PXK: variants seen among roughly 807,000 people sequenced by gnomAD.
PXK encodes PX domain-containing protein kinase-like protein.
A neutral mutation model predicts 84.7 loss-of-function variants in PXK; 35 were observed. The observed-to-expected ratio is 0.41, with a 90% CI of 0.32 to 0.55. The LOEUF is 0.55. Ranked by LOEUF, PXK falls within the 20% of genes least tolerant of loss-of-function variation. The pLI, the probability that PXK is intolerant of heterozygous loss-of-function variation, is 0.21. For missense variants in PXK, 634 were observed against 699.7 expected (o/e 0.91, Z 1.06); for synonymous variants, 253 against 260.8 (o/e 0.97, Z 0.29).
At chr3:58,335,678 C>T (rs12491693) in intron 1 of PXK, among the ~76,000 whole-genome samples, 3 of 151,770 alleles carry the variant, frequency 2.0e-5, no homozygotes, top group Admixed American at 6.6e-5. Context: ...CAGAAACATA[C>T]GGAGTTAGAG....
chr3:58,355,811 C>T (rs1198574308), intron 1 of PXK, among the ~76,000 whole-genome samples: 1 of 152,186 alleles, frequency 6.6e-6, no homozygotes, highest in Admixed American at 6.5e-5. Context: ...TGAGGACTCC[C>T]ACCTTTCCAA....
chr3:58,354,930 C>A (rs765540235), intron 1 of PXK, among the ~76,000 whole-genome samples: 12 of 151,910 alleles, frequency 7.9e-5, no homozygotes, highest in Non-Finnish European at 1.0e-4. Flanking sequence ...ACCATCCTGG[C>A]CAACATGGTA....
chr3:58,421,229 T>A lies in PXK; in HGVS notation c.1529-3523T>A. On this transcript the variant is annotated intron_variant, in intron 17 of 17. Transcript: ENST00000356151. The surrounding 1 kb of genome is among the most constrained non-coding windows in gnomAD (Gnocchi z 5.5). The stretch of plus-strand genomic sequence containing the variant: ...TTCCTGTATGTGACCACAAAGGAGC[T>A]CAGAATTAGAGAGACTGTAGATTAC... 1.0e-6 allele frequency: 1 copy of A among 985,252 alleles called. No homozygotes were observed. Among genetic ancestry groups the A allele is most frequent in the South Asian group, 4.7e-5 (1 of 21,280 alleles). 61.0% of individuals were successfully genotyped at this position (985,252 alleles called of 1,614,324 possible).
rs921337100 is a variant in PXK, at chr3:58,423,530, C to A, written c.1529-1222C>A. ...TTCTATTGTAAGACTTTAACCCATA[C>A]CTGTCACACTTGGTGAAAAGGATGT... On this transcript the variant is annotated intron_variant, in intron 17 of 17. Transcript: ENST00000356151. 12 of 1,535,524 alleles carry A rather than the reference C, an allele frequency of 7.8e-6. No homozygotes were observed. In the Admixed American group the frequency reaches 2.0e-4, roughly 25 times the overall value.
At position 58,333,902 on chromosome 3, in the gene PXK, A is replaced by C. The variant is rs983532870; in HGVS notation, c.102+812A>C. Among the ~76,000 whole-genome samples, 1 of 149,174 alleles carries C rather than the reference A, an allele frequency of 6.7e-6. No individual in the cohort carries two copies. Among genetic ancestry groups the C allele is most frequent in the Non-Finnish European group, 1.5e-5 (1 of 67,554 alleles). Reference sequence around the variant, plus strand: ...TTTTTTTTTTTTTGAAAGGCCCACTATGCATTATAATTTCCAAGCAATAAA... The same window carrying C: ...TTTTTTTTTTTTTGAAAGGCCCACTCTGCATTATAATTTCCAAGCAATAAA... On this transcript the variant is annotated intron_variant, in intron 1 of 17. Transcript: ENST00000356151. The surrounding 1 kb of genome is among the most constrained non-coding windows in gnomAD (Gnocchi z 5.4).
At chr3:58,344,004 C>T (rs759125646) in intron 1 of PXK, among the ~76,000 whole-genome samples, 2 of 152,070 alleles carry the variant, frequency 1.3e-5, no homozygotes, top group East Asian at 1.9e-4. Flanking sequence ...GTTTATAACC[C>T]CCCTCCCCCA....
intron 1 of PXK, among the ~76,000 whole-genome samples, chr3:58,348,068 C>T (rs976871120): frequency 2.7e-4 from 41 of 152,130 alleles, no homozygotes; most frequent in African/African-American, 8.7e-4. Flanking sequence ...AGACCGTGCC[C>T]GGCTAATTTT....
At chr3:58,413,636 C>G (rs1236922501) in intron 17 of PXK, 2 of 152,168 alleles carry the variant, frequency 1.3e-5, no homozygotes, top group African/African-American at 4.8e-5. Context: ...ACCAAGATGT[C>G]TCTCCTAAAG....
intron 1 of PXK, among the ~76,000 whole-genome samples, chr3:58,350,442 T>C (rs963882179): frequency 1.3e-5 from 2 of 152,150 alleles, no homozygotes; most frequent in African/African-American, 4.8e-5. Flanking sequence ...CCCTGTCAGC[T>C]TCCCCCTGAC....
In PXK at chr3:58,347,631, G is replaced by A. The variant is rs138345471; in HGVS notation, c.102+14541G>A. On this transcript the variant is annotated intron_variant, in intron 1 of 17. Coordinates refer to ENST00000356151, the MANE Select transcript of PXK (RefSeq NM_017771.5). Reference sequence around the variant, plus strand: ...TTTGTTATCCATTCACCAGTTGGTAGATATTTGGGTTATTTCCAGTTTGGG... The same window carrying A: ...TTTGTTATCCATTCACCAGTTGGTAAATATTTGGGTTATTTCCAGTTTGGG... Among the ~76,000 whole-genome samples the A allele has an allele frequency of 6.1e-3, 927 of 152,288 alleles. 15 individuals are homozygous for A. The highest frequency in any genetic ancestry group is 0.021 in the African/African-American group (867 of 41,560).
chr3:58,380,944 TC>T (rs1056818340), intron 3 of PXK, among the ~76,000 whole-genome samples: 2 of 151,934 alleles, frequency 1.3e-5, no homozygotes, highest in African/African-American at 4.8e-5. Context: ...TATCTCCTGC[TC>T]TCCTTTTTAA....
chr3:58,334,947 GTGTGTGTGTGTC>G (rs1438939328), intron 1 of PXK, among the ~76,000 whole-genome samples: 3 of 128,470 alleles, frequency 2.3e-5, no homozygotes, highest in South Asian at 2.4e-4. Flanking sequence ...GTGTGTGTGT[GTGTGTGTGTGTC>G]TGTGTGTGTG....
At chr3:58,415,224 C>T (rs965396089) in intron 17 of PXK, among the ~76,000 whole-genome samples, 45 of 152,140 alleles carry the variant, frequency 3.0e-4, no homozygotes, top group African/African-American at 1.1e-3. Flanking sequence ...TGGGTGTCCT[C>T]CAATTCAATT....
At chr3:58,344,522 G>C (rs915076123) in intron 1 of PXK, among the ~76,000 whole-genome samples, 7 of 152,142 alleles carry the variant, frequency 4.6e-5, no homozygotes, top group Admixed American at 6.6e-5. Flanking sequence ...GTTCAGTGGT[G>C]ACGGAAAAGA....
chr3:58,390,016 A>C lies in PXK; in HGVS notation c.389-566A>C, dbSNP rs2098608434. Among the ~76,000 whole-genome samples the C allele has an allele frequency of 6.6e-6, 1 of 151,006 alleles. No individual in the cohort carries two copies. Among genetic ancestry groups the C allele is most frequent in the Non-Finnish European group, 1.5e-5 (1 of 67,778 alleles). On this transcript the variant is annotated intron_variant, in intron 4 of 17. Transcript: ENST00000356151. This position sits in a 1 kb window ranked among gnomAD's most constrained non-coding sequence, Gnocchi z 4.2. ...CTCCGTCTCAAAAAAAAAAAAAAAA[A>C]AAAAAAAACAATTTAGCCAGGCGTG...
intron 3 of PXK, among the ~76,000 whole-genome samples, chr3:58,371,404 G>A (rs1285234497): frequency 6.6e-6 from 1 of 152,226 alleles, no homozygotes; most frequent in Non-Finnish European, 1.5e-5. Flanking sequence ...AGTGGCCCAT[G>A]TGACATTTCC....
chr3:58,402,373 GC>G (rs2058718555), intron 12 of PXK, among the ~76,000 whole-genome samples: 1 of 150,844 alleles, frequency 6.6e-6, no homozygotes, highest in African/African-American at 2.4e-5. Context: ...AGCTGGGACT[GC>G]AGGCGAATGC....
At chr3:58,377,532 C>T (rs533853207) in intron 3 of PXK, among the ~76,000 whole-genome samples, 27 of 151,168 alleles carry the variant, frequency 1.8e-4, no homozygotes, top group African/African-American at 4.9e-4. Flanking sequence ...CCCAGCTACT[C>T]GAGAGGCAGG....
rs2098546822 is a variant in PXK, at chr3:58,385,896, C to G, written c.388+3196C>G. Among the ~76,000 whole-genome samples the G allele has an allele frequency of 6.6e-6, 1 of 152,204 alleles. No homozygotes were observed. Among genetic ancestry groups the G allele is most frequent in the Non-Finnish European group, 1.5e-5 (1 of 68,044 alleles). On this transcript the variant is annotated intron_variant, in intron 4 of 17. Coordinates refer to ENST00000356151, the MANE Select transcript of PXK (RefSeq NM_017771.5). This position sits in a 1 kb window ranked among gnomAD's most constrained non-coding sequence, Gnocchi z 5.1. ...GCTTCATTTCAGCAGGATTTGAGTTCTGTGTTCAAGTGGTGGCCAGAATCA... is the reference window on the plus strand; with the variant it reads ...GCTTCATTTCAGCAGGATTTGAGTTGTGTGTTCAAGTGGTGGCCAGAATCA...
Sources: gnomAD v4.1 joint callset for allele counts (sites outside exome capture counted in the v4.1 genomes callset) on GRCh38, gnomAD v4.1.1 for gene constraint, Gnocchi (gnomAD v3.1) non-coding constraint, MANE v1.5 for transcripts, NCBI Gene and HGNC (gene_info 2026-07-23, HGNC 2026-07-21) for gene names.